The following NRG3 variants were observed in gnomAD, a reference collection of about 807,000 sequenced individuals.
NRG3 encodes neuregulin 3.
NRG3 carries 31 observed loss-of-function variants against 66.9 expected under a neutral mutation model. The ratio of observed to expected loss-of-function variants is 0.46; its 90% CI spans 0.35 to 0.63. NRG3 has a LOEUF of 0.63. NRG3 is among the 20% of genes least tolerant of loss of function. The probability of loss-of-function intolerance (pLI) is 0.00; values close to 1 mark genes in which losing one functional copy is unlikely to be tolerated. For synonymous variants in NRG3, 393 were observed against 359.4 expected (o/e 1.09, Z -1.06); for missense variants, 910 against 878.9 (o/e 1.04, Z -0.45).
At chr10:82,967,017 T>C (rs1851274326) in intron 6 of NRG3, among the ~76,000 whole-genome samples, 1 of 151,846 alleles carries the variant, frequency 6.6e-6, no homozygotes, top group African/African-American at 2.4e-5. Context: ...TCCATGGAAA[T>C]AGCTAGTTTC....
chr10:81,901,519 T>A (rs1844066721), intron 1 of NRG3, among the ~76,000 whole-genome samples: 1 of 151,568 alleles, frequency 6.6e-6, no homozygotes, highest in South Asian at 2.1e-4. Flanking sequence ...ATGAAAAAAA[T>A]TTGTCTGAGC....
At chr10:82,917,334 A>G (rs988576188) in intron 4 of NRG3, among the ~76,000 whole-genome samples, 4 of 152,208 alleles carry the variant, frequency 2.6e-5, no homozygotes, top group African/African-American at 9.7e-5. Context: ...CAAAACAGAC[A>G]CCAGTGGCTA....
chr10:82,927,743 T>G (rs1847153948), intron 4 of NRG3, among the ~76,000 whole-genome samples: 1 of 152,254 alleles, frequency 6.6e-6, no homozygotes, highest in South Asian at 2.1e-4. Context: ...CAGTCTATCA[T>G]TGATGAGCAT....
At chr10:82,452,279 A>C (rs2136594508) in intron 2 of NRG3, among the ~76,000 whole-genome samples, 1 of 152,328 alleles carries the variant, frequency 6.6e-6, no homozygotes, top group Admixed American at 6.5e-5. Context: ...TCCATCCAGA[A>C]CATGACGGAT....
chr10:82,422,856 T>C (rs530484736), intron 2 of NRG3, among the ~76,000 whole-genome samples: 1 of 152,130 alleles, frequency 6.6e-6, no homozygotes, highest in South Asian at 2.1e-4. Flanking sequence ...AGTGGCATGC[T>C]CAGTGTATAA....
At chr10:81,943,216 T>C (rs188937065) in intron 1 of NRG3, among the ~76,000 whole-genome samples, 112 of 151,980 alleles carry the variant, frequency 7.4e-4, no homozygotes, top group African/African-American at 2.6e-3. Context: ...ACCATGTTTC[T>C]ACAAACATGA....
At chr10:81,929,246 C>A (rs1173741568) in intron 1 of NRG3, among the ~76,000 whole-genome samples, 2 of 152,124 alleles carry the variant, frequency 1.3e-5, no homozygotes, top group African/African-American at 4.8e-5. Context: ...CAGACAACCT[C>A]CCTCTCCATC....
chr10:82,497,455 G>A (rs1295531612), intron 2 of NRG3, among the ~76,000 whole-genome samples: 2 of 152,044 alleles, frequency 1.3e-5, no homozygotes, highest in East Asian at 1.9e-4. Flanking sequence ...GTATAAGTAA[G>A]ATCATAAAAT....
intron 4 of NRG3, among the ~76,000 whole-genome samples, chr10:82,869,309 C>T (rs1841057881): frequency 6.6e-6 from 1 of 152,122 alleles, no homozygotes; most frequent in African/African-American, 2.4e-5. Context: ...CAGCTACCTC[C>T]CTAATGAAGA....
intron 4 of NRG3, among the ~76,000 whole-genome samples, chr10:82,877,562 G>A (rs2475798): frequency 9.1e-6 from 1 of 109,322 alleles, no homozygotes; most frequent in Admixed American, 1.1e-4. Flanking sequence ...TTTTTTTTTG[G>A]ATTTTTAGTG....
chr10:82,767,180 T>C lies in NRG3; in HGVS notation c.1027+28530T>C, dbSNP rs184859601. On this transcript the variant is annotated intron_variant, in intron 3 of 8. Transcript: ENST00000372141. ...AACTCTATTAATTCTCTCCCTCCAATACTCACAGTGACCAGTTATTTCACC... is the reference window on the plus strand; with the variant it reads ...AACTCTATTAATTCTCTCCCTCCAACACTCACAGTGACCAGTTATTTCACC... 2.2e-4 allele frequency among the ~76,000 whole-genome samples: 33 copies of C among 152,082 alleles called. No homozygotes were observed. The East Asian group carries it at 6.4e-3, about 29-fold the overall frequency.
At position 81,931,429 on chromosome 10, in the gene NRG3, G is replaced by A. The variant is rs185672572; in HGVS notation, c.823+55266G>A. ...GATTTCCCTGAAACCAGACTTAGAA[G>A]TCTTGAAAGAGATGGGGGATTCAAT... On this transcript the variant is annotated intron_variant, in intron 1 of 8. Coordinates refer to ENST00000372141, the MANE Select transcript of NRG3 (RefSeq NM_001010848.4). Among the ~76,000 whole-genome samples, 18 of 152,264 alleles carry A rather than the reference G, an allele frequency of 1.2e-4. No homozygotes were observed. The Middle Eastern group carries it at 0.01, about 86-fold the overall frequency.
chr10:82,315,704 C>T (rs1228926282), intron 1 of NRG3, among the ~76,000 whole-genome samples: 3 of 142,178 alleles, frequency 2.1e-5, no homozygotes, highest in South Asian at 2.2e-4. Context: ...CTCACTCTGT[C>T]GCCGAGGCTG....
chr10:82,405,548 C>G (rs2087453815), intron 2 of NRG3, among the ~76,000 whole-genome samples: 1 of 151,760 alleles, frequency 6.6e-6, no homozygotes, highest in Non-Finnish European at 1.5e-5. Context: ...CCTCCCCCTC[C>G]TGGGTTCAAG....
intron 1 of NRG3, among the ~76,000 whole-genome samples, chr10:82,176,905 A>AC (rs71007299): frequency 0.016 from 2,387 of 150,838 alleles, 93 homozygotes; most frequent in East Asian, 0.14. Context: ...ACACACACAC[A>AC]AACACACACA....
intron 1 of NRG3, among the ~76,000 whole-genome samples, chr10:82,221,269 G>GA (rs35476455): frequency 1.8e-3 from 255 of 139,652 alleles, no homozygotes; most frequent in East Asian, 7.5e-3. Flanking sequence ...AGAGAAAGAG[G>GA]AAAAAAAAAA....
At chr10:81,978,556 C>T (rs925230337) in intron 1 of NRG3, among the ~76,000 whole-genome samples, 3 of 152,082 alleles carry the variant, frequency 2.0e-5, no homozygotes, top group Non-Finnish European at 4.4e-5. Flanking sequence ...AGCCTCCTCC[C>T]AGTTCATCCT....
intron 3 of NRG3, among the ~76,000 whole-genome samples, chr10:82,785,080 C>A (rs1330046021): frequency 6.6e-6 from 1 of 151,940 alleles, no homozygotes; most frequent in Non-Finnish European, 1.5e-5. Flanking sequence ...TGGAAATCAT[C>A]ATTCTCGGTA....
intron 2 of NRG3, among the ~76,000 whole-genome samples, chr10:82,476,941 C>T (rs1292567039): frequency 6.6e-6 from 1 of 152,146 alleles, no homozygotes; most frequent in South Asian, 2.1e-4. Context: ...TGTCATTTGA[C>T]ACGTGAGTTC....
Sources: gnomAD v4.1 joint callset for allele counts (sites outside exome capture counted in the v4.1 genomes callset) on GRCh38, gnomAD v4.1.1 for gene constraint, MANE v1.5 for transcripts, NCBI Gene and HGNC (gene_info 2026-07-23, HGNC 2026-07-21) for gene names.